UVRAG: variants seen among roughly 807,000 people sequenced by gnomAD.
The protein encoded by UVRAG is UV radiation resistance-associated gene protein.
UVRAG carries 19 observed loss-of-function variants against 78.0 expected under a neutral mutation model. The observed-to-expected ratio is 0.24, with a 90% CI of 0.17 to 0.36. The LOEUF is 0.36. Among genes scored for constraint, UVRAG ranks in the 10% least tolerant of loss-of-function variants. The probability of loss-of-function intolerance (pLI) is 1.00; values close to 1 mark genes in which losing one functional copy is unlikely to be tolerated. For missense variants in UVRAG, 740 were observed against 853.8 expected (o/e 0.87, Z 1.66); for synonymous variants, 323 against 324.6 (o/e 1.00, Z 0.05).
chr11:75,831,978 A>T (rs1011678944), intron 1 of UVRAG, among the ~76,000 whole-genome samples: 8 of 152,230 alleles, frequency 5.3e-5, no homozygotes, highest in African/African-American at 1.9e-4. Context: ...TTGAATGCTG[A>T]CCTGAAGGTG....
chr11:75,932,010 G>A (rs1397549185), intron 6 of UVRAG, among the ~76,000 whole-genome samples: 1 of 151,154 alleles, frequency 6.6e-6, no homozygotes, highest in Non-Finnish European at 1.5e-5. Flanking sequence ...AGGTCCAGTG[G>A]TCCAATGGAT....
chr11:76,026,299 AT>A (rs1950326019), intron 12 of UVRAG, among the ~76,000 whole-genome samples: 1 of 152,130 alleles, frequency 6.6e-6, no homozygotes, highest in Non-Finnish European at 1.5e-5. Flanking sequence ...CATTTCTATT[AT>A]TACCTGCTTC....
intron 8 of UVRAG, 150 bp downstream of exon 8, chr11:75,983,663 T>A: frequency 1.8e-6 from 2 of 1,105,780 alleles, no homozygotes; most frequent in Non-Finnish European, 2.4e-6. Flanking sequence ...CATCCTTTGG[T>A]GATTTCCTTG....
chr11:76,108,336 A>C (rs936302914), intron 13 of UVRAG, among the ~76,000 whole-genome samples: 1 of 152,228 alleles, frequency 6.6e-6, no homozygotes, highest in Non-Finnish European at 1.5e-5. Flanking sequence ...ATATTAAATT[A>C]AACCTCTCAG....
At chr11:75,819,028 C>A (rs1945328747) in intron 1 of UVRAG, among the ~76,000 whole-genome samples, 2 of 152,104 alleles carry the variant, frequency 1.3e-5, no homozygotes, top group South Asian at 4.1e-4. Flanking sequence ...TCTTAGGGGG[C>A]AAAATTACCC....
chr11:75,890,170 C>T (rs1947183967), intron 5 of UVRAG, among the ~76,000 whole-genome samples: 1 of 152,178 alleles, frequency 6.6e-6, no homozygotes, highest in African/African-American at 2.4e-5. Flanking sequence ...GGATTTTACC[C>T]TAAGAACAGG....
chr11:75,871,099 C>G (rs1043446469), intron 3 of UVRAG, among the ~76,000 whole-genome samples: 4 of 152,232 alleles, frequency 2.6e-5, no homozygotes, highest in Admixed American at 2.6e-4. Context: ...GTCACGAACC[C>G]CAGACCTCAG....
chr11:75,995,931 G>T, intron 8 of UVRAG, among the ~76,000 whole-genome samples: 1 of 152,046 alleles, frequency 6.6e-6, no homozygotes, highest in East Asian at 1.9e-4. Flanking sequence ...TGGACCTGAG[G>T]ACAGATTCTC....
intron 1 of UVRAG, among the ~76,000 whole-genome samples, chr11:75,833,037 C>T (rs77540434): frequency 0.022 from 3,312 of 152,096 alleles, 49 homozygotes; most frequent in Non-Finnish European, 0.032. Context: ...TCACGTATGC[C>T]GTGATTTGGA....
intron 13 of UVRAG, among the ~76,000 whole-genome samples, chr11:76,085,468 T>A (rs1274798147): frequency 6.6e-6 from 1 of 152,222 alleles, no homozygotes; most frequent in Non-Finnish European, 1.5e-5. Flanking sequence ...GTACCAAATG[T>A]GAATCAATTG....
intron 14 of UVRAG, among the ~76,000 whole-genome samples, chr11:76,127,813 C>T (rs180918650): frequency 2.0e-5 from 3 of 151,938 alleles, no homozygotes; most frequent in South Asian, 2.1e-4. Context: ...AAAAATTAGC[C>T]GGACGTGGTA....
intron 13 of UVRAG, among the ~76,000 whole-genome samples, chr11:76,093,484 C>A (rs1415983154): frequency 6.6e-6 from 1 of 152,162 alleles, no homozygotes; most frequent in Non-Finnish European, 1.5e-5. Flanking sequence ...TTCTTCCTAT[C>A]CATGAGCATG....
intron 13 of UVRAG, among the ~76,000 whole-genome samples, chr11:76,067,617 G>A (rs1024371520): frequency 6.6e-6 from 1 of 152,140 alleles, no homozygotes; most frequent in African/African-American, 2.4e-5. Context: ...AATTAGCCAG[G>A]TGTGGTGGCA....
chr11:76,141,666 G>T lies in UVRAG; in HGVS notation c.*253G>T. 1 of 501,716 alleles carries T rather than the reference G, an allele frequency of 2.0e-6. No individual in the cohort carries two copies. The highest frequency in any genetic ancestry group is 2.6e-5 in the South Asian group (1 of 38,090). The allele number at this position is 501,716 out of a possible 1,614,324, so 31.1% of individuals were successfully genotyped here. On this transcript the variant is annotated 3_prime_UTR_variant, in exon 15 of 15. Transcript: ENST00000356136. Reference sequence around the variant, plus strand: ...CAAAAATCACCCTCTAGTTGAAAGAGCTTACAGCTCGAGTCACCTTTTAGC... The same window carrying T: ...CAAAAATCACCCTCTAGTTGAAAGATCTTACAGCTCGAGTCACCTTTTAGC...
chr11:75,958,676 C>T (rs1948852082), intron 6 of UVRAG, among the ~76,000 whole-genome samples: 2 of 152,172 alleles, frequency 1.3e-5, no homozygotes, highest in African/African-American at 2.4e-5. Flanking sequence ...ATATTTTTAT[C>T]TACTCCCATG....
intron 1 of UVRAG, among the ~76,000 whole-genome samples, chr11:75,834,545 T>G (rs967564028): frequency 1.3e-5 from 2 of 152,220 alleles, no homozygotes; most frequent in East Asian, 1.9e-4. Context: ...CCGGGCGCAG[T>G]GGCTCACACC....
Position 76,004,079 on chromosome 11 carries a change from A to C in UVRAG, c.901A>C (p.Thr301Pro). Reference sequence around the variant, plus strand: ...CCTAAATGAGCTGAGGAAGGAGTGCACTGCAAAAAGGTAAATGCACACTGA... The same window carrying C: ...CCTAAATGAGCTGAGGAAGGAGTGCCCTGCAAAAAGGTAAATGCACACTGA... ...ESLNELRKEC[T>P]AKRELFLKTN... Residue 301 changes from threonine to proline, a missense_variant, in exon 9 of 15, where the codon ACT (threonine) becomes CCT (proline). Coordinates refer to ENST00000356136, the MANE Select transcript of UVRAG (RefSeq NM_003369.4). 2 of 1,614,024 alleles carry C rather than the reference A, an allele frequency of 1.2e-6. No individual in the cohort carries two copies. Among genetic ancestry groups the C allele is most frequent in the South Asian group, 1.1e-5 (1 of 91,084 alleles).
chr11:76,138,284 G>T (rs2134513009), intron 14 of UVRAG, among the ~76,000 whole-genome samples: 1 of 152,300 alleles, frequency 6.6e-6, no homozygotes, highest in East Asian at 1.9e-4. Context: ...TTCAGATGTG[G>T]TTCTTCAGCC....
chr11:76,081,924 T>A (rs937340651), intron 13 of UVRAG, among the ~76,000 whole-genome samples: 21 of 98,708 alleles, frequency 2.1e-4, no homozygotes, highest in South Asian at 5.8e-4. Context: ...TGATGTAGAG[T>A]AAAAGAACCA....
Sources: gnomAD v4.1 joint callset for allele counts (sites outside exome capture counted in the v4.1 genomes callset) on GRCh38, gnomAD v4.1.1 for gene constraint, MANE v1.5 for transcripts, NCBI Gene and HGNC (gene_info 2026-07-23, HGNC 2026-07-21) for gene names.